The following FCHO2 variants were observed in gnomAD, a reference collection of about 807,000 sequenced individuals.
FCHO2 encodes FCH and mu domain containing endocytic adaptor 2.
Under a neutral mutation model 114.1 loss-of-function variants are expected in FCHO2, and 43 were observed. The ratio of observed to expected loss-of-function variants is 0.38; its 90% CI spans 0.30 to 0.49. FCHO2 has a LOEUF of 0.49. FCHO2 is among the 20% of genes least tolerant of loss of function. The pLI is 0.97. For missense variants in FCHO2, 807 were observed against 950.4 expected (o/e 0.85, Z 1.98); for synonymous variants, 293 against 315.2 (o/e 0.93, Z 0.75).
At chr5:73,009,099 G>A (rs1754863564) in intron 6 of FCHO2, among the ~76,000 whole-genome samples, 1 of 152,180 alleles carries the variant, frequency 6.6e-6, no homozygotes, top group African/African-American at 2.4e-5. Context: ...AAGAAAACTG[G>A]AAGTGTAATG....
intron 11 of FCHO2, among the ~76,000 whole-genome samples, chr5:73,042,590 G>A (rs1252188774): frequency 1.5e-4 from 23 of 152,086 alleles, no homozygotes; most frequent in Admixed American, 1.5e-3. Flanking sequence ...AATAAGAAGT[G>A]ATTGATGAAT....
intron 4 of FCHO2, 35 bp downstream of exon 4, chr5:72,990,654 T>G: frequency 2.6e-6 from 4 of 1,528,990 alleles, no homozygotes; most frequent in Non-Finnish European, 3.5e-6. Flanking sequence ...AATTGATTGG[T>G]CAGATATTGA....
intron 2 of FCHO2, among the ~76,000 whole-genome samples, chr5:72,981,730 A>T (rs1027267507): frequency 1.3e-5 from 2 of 151,894 alleles, no homozygotes; most frequent in African/African-American, 4.8e-5. Context: ...CTTCCACTTG[A>T]TCGATTTGGC....
At chr5:72,957,997 C>A (rs1050339580) in intron 1 of FCHO2, among the ~76,000 whole-genome samples, 1 of 150,496 alleles carries the variant, frequency 6.6e-6, no homozygotes, top group African/African-American at 2.4e-5. Flanking sequence ...AGATTAATTG[C>A]CCATTTAAAA....
chr5:72,968,789 T>C (rs970467567), intron 2 of FCHO2, among the ~76,000 whole-genome samples, 200 bp downstream of exon 2: 1 of 152,218 alleles, frequency 6.6e-6, no homozygotes, highest in African/African-American at 2.4e-5. Context: ...GCTCAAAGTT[T>C]AATACCCCTG....
chr5:72,968,642 T>A, intron 2 of FCHO2, 53 bp downstream of exon 2: 1 of 1,247,238 alleles, frequency 8.0e-7, no homozygotes, highest in Non-Finnish European at 1.1e-6. Flanking sequence ...GCAATTTAAA[T>A]TTTAGAATAT....
chr5:72,969,762 T>A (rs1247482289), intron 2 of FCHO2, among the ~76,000 whole-genome samples: 1 of 152,248 alleles, frequency 6.6e-6, no homozygotes, highest in Non-Finnish European at 1.5e-5. Flanking sequence ...TCCCCTTTAC[T>A]ACTTTATTTT....
intron 1 of FCHO2, among the ~76,000 whole-genome samples, chr5:72,964,851 A>C (rs1752103785): frequency 6.6e-6 from 1 of 152,190 alleles, no homozygotes; most frequent in Non-Finnish European, 1.5e-5. Flanking sequence ...CTGCAGTCTG[A>C]AAATATTAAA....
chr5:73,009,924 A>G (rs1261757294), intron 6 of FCHO2, among the ~76,000 whole-genome samples: 1 of 152,176 alleles, frequency 6.6e-6, no homozygotes, highest in Non-Finnish European at 1.5e-5. Context: ...ATACTTTACT[A>G]ATGTGTGTGT....
At position 73,087,675 on chromosome 5, in the gene FCHO2, A is replaced by G. The variant is rs373822609; in HGVS notation, c.2332A>G (p.Ser778Gly). 29 of 1,613,768 alleles carry G rather than the reference A, an allele frequency of 1.8e-5. No individual in the cohort carries two copies. The African/African-American group carries it at 3.5e-4, about 19-fold the overall frequency. The stretch of plus-strand genomic sequence containing the variant: ...TGCAGTACAATTCCTCAGCGAGGGA[A>G]GTACCCTTTCAGGAGTAGATTTCGA... Reference protein sequence around the residue: ...TLAVQFLSEGSTLSGVDFELV... With the variant: ...TLAVQFLSEGGTLSGVDFELV... Residue 778 changes from serine (S) to glycine (G), a missense_variant, in exon 25 of 26, where the codon AGT (serine) becomes GGT (glycine). Ser to Gly is a moderately conservative substitution (Grantham distance 56). Transcript: ENST00000430046.
chr5:72,978,579 T>C (rs1452163245), intron 2 of FCHO2, among the ~76,000 whole-genome samples: 2 of 152,178 alleles, frequency 1.3e-5, no homozygotes, highest in African/African-American at 2.4e-5. Context: ...CATCCCCTTT[T>C]CCTATTTGAA....
At chr5:73,067,889 C>A (rs936844556) in intron 18 of FCHO2, among the ~76,000 whole-genome samples, 15 of 151,638 alleles carry the variant, frequency 9.9e-5, no homozygotes, top group African/African-American at 3.6e-4. Flanking sequence ...AATCTGTTCA[C>A]CAAAGTAAAA....
At chr5:72,960,648 A>C (rs2112580232) in intron 1 of FCHO2, among the ~76,000 whole-genome samples, 1 of 152,316 alleles carries the variant, frequency 6.6e-6, no homozygotes, top group East Asian at 1.9e-4. Flanking sequence ...AGTTTATAAT[A>C]GTCTTGAGAT....
At chr5:72,994,157 G>T (rs1486384649) in intron 5 of FCHO2, among the ~76,000 whole-genome samples, 1 of 152,150 alleles carries the variant, frequency 6.6e-6, no homozygotes, top group Non-Finnish European at 1.5e-5. Flanking sequence ...AAACGTAATG[G>T]TTTCTGCACA....
intron 22 of FCHO2, among the ~76,000 whole-genome samples, chr5:73,080,651 T>C (rs1432418794): frequency 6.8e-6 from 1 of 146,748 alleles, no homozygotes; most frequent in Non-Finnish European, 1.5e-5. Context: ...TTTAATAGGG[T>C]AATTTTATTA....
At chr5:72,997,418 A>G in intron 5 of FCHO2, 1 of 1,600,892 alleles carries the variant, frequency 6.2e-7, no homozygotes, top group South Asian at 1.1e-5. Context: ...CAGCTACATC[A>G]AGGACCTCTC....
intron 11 of FCHO2, 26 bp downstream of exon 11, chr5:73,041,341 A>G (rs755526158): frequency 1.4e-6 from 2 of 1,405,594 alleles, no homozygotes; most frequent in Non-Finnish European, 2.0e-6. Flanking sequence ...TTTGATATAA[A>G]CAATTTAAAT....
At chr5:73,064,279 G>T (rs2112864456) in intron 18 of FCHO2, among the ~76,000 whole-genome samples, 1 of 152,146 alleles carries the variant, frequency 6.6e-6, no homozygotes, top group African/African-American at 2.4e-5. Flanking sequence ...ATGGTGGCTT[G>T]TTCTTAGACC....
intron 8 of FCHO2, among the ~76,000 whole-genome samples, chr5:73,017,530 A>C (rs999906694): frequency 2.0e-5 from 3 of 152,212 alleles, no homozygotes; most frequent in Non-Finnish European, 4.4e-5. Context: ...GTCTGATGAT[A>C]CATTAAGATT....
Sources: allele counts gnomAD v4.1 joint callset (sites outside exome capture counted in the v4.1 genomes callset), GRCh38; gene constraint gnomAD v4.1.1; transcripts MANE v1.5; gene names NCBI Gene and HGNC (gene_info 2026-07-23, HGNC 2026-07-21).